The following GXYLT1 variants were observed in gnomAD, a reference collection of about 807,000 sequenced individuals.
The protein encoded by GXYLT1 is glucoside xylosyltransferase 1.
In GXYLT1, 29 loss-of-function variants were observed where a neutral mutation model predicts 54.0. The ratio of observed to expected loss-of-function variants is 0.54; its 90% CI spans 0.40 to 0.73. GXYLT1 has a LOEUF of 0.73. Among genes scored for constraint, GXYLT1 ranks in the 30% least tolerant of loss-of-function variants. The probability of loss-of-function intolerance (pLI) is 0.00; values close to 1 mark genes in which losing one functional copy is unlikely to be tolerated. For synonymous variants in GXYLT1, 176 were observed against 204.1 expected (o/e 0.86, Z 1.17); for missense variants, 490 against 553.4 (o/e 0.89, Z 1.15).
Position 42,109,617 on chromosome 12 carries a change from T to C in GXYLT1, c.561A>G (p.Ala187=). ...ATGGTTTAAAGAGTTTTTTCCACTC[T>C]GCTGCATTCTCACTTGGAAAGGTTA... ...YPITFPSENA[A]EWKKLFKPCA... is the part of the protein sequence containing the mutation. The change falls in exon 4 of 8, where the codon GCA becomes GCG. Residue 187 remains alanine (A), a synonymous_variant. Coordinates refer to ENST00000398675, the MANE Select transcript of GXYLT1 (RefSeq NM_173601.2). The C allele has an allele frequency of 2.5e-6, 4 of 1,600,690 alleles. No individual in the cohort carries two copies. Among genetic ancestry groups the C allele is most frequent in the Admixed American group, 1.7e-5 (1 of 58,250 alleles).
At chr12:42,096,269 G>A (rs2065355047) in intron 7 of GXYLT1, among the ~76,000 whole-genome samples, 1 of 152,112 alleles carries the variant, frequency 6.6e-6, no homozygotes, top group Non-Finnish European at 1.5e-5. Context: ...CTACTAAAGG[G>A]AACCAGAGCT....
intron 1 of GXYLT1, among the ~76,000 whole-genome samples, chr12:42,136,793 A>T (rs76292700): frequency 2.5e-5 from 1 of 40,608 alleles, no homozygotes; most frequent in African/African-American, 5.2e-5. Flanking sequence ...CATACAAACA[A>T]ACACACACAC....
intron 1 of GXYLT1, among the ~76,000 whole-genome samples, chr12:42,139,951 G>C (rs1250125987): frequency 1.3e-5 from 2 of 152,080 alleles, no homozygotes; most frequent in Non-Finnish European, 2.9e-5. Context: ...GGAAGCCGAG[G>C]TGGGCGGATC....
At position 42,087,698 on chromosome 12, in the gene GXYLT1, C is replaced by G. The variant is rs2065303764; in HGVS notation, c.*88G>C. On this transcript the variant is annotated 3_prime_UTR_variant, in exon 8 of 8. Transcript: ENST00000398675. ...AAATTATTCTGGAGATGAGTAATTCCTTCCTGAATACTTCATCCAAGACGA... is the reference window on the plus strand; with the variant it reads ...AAATTATTCTGGAGATGAGTAATTCGTTCCTGAATACTTCATCCAAGACGA... 1.1e-6 allele frequency: 1 copy of G among 938,346 alleles called. No homozygotes were observed. Among genetic ancestry groups the G allele is most frequent in the Non-Finnish European group, 1.5e-6 (1 of 645,240 alleles). The allele number at this position is 938,346 out of a possible 1,614,324, so 58.1% of individuals were successfully genotyped here. A position where few individuals can be genotyped will look rare whatever the true frequency, so the allele number is the denominator to read the frequency against.
At chr12:42,109,085 A>C (rs536604395) in intron 4 of GXYLT1, among the ~76,000 whole-genome samples, 4 of 152,358 alleles carry the variant, frequency 2.6e-5, no homozygotes, top group African/African-American at 9.6e-5. Flanking sequence ...CTTTGAGTTC[A>C]TATGCCTTAA....
At chr12:42,120,140 A>G (rs1299506633) in intron 2 of GXYLT1, among the ~76,000 whole-genome samples, 1 of 152,212 alleles carries the variant, frequency 6.6e-6, no homozygotes, top group Non-Finnish European at 1.5e-5. Context: ...TTATTAAAAA[A>G]AAACCCTTAA....
chr12:42,097,679 A>G (rs2065364104), intron 6 of GXYLT1, 65 bp from the exon 7 acceptor site: 3 of 1,397,850 alleles, frequency 2.1e-6, no homozygotes, highest in East Asian at 2.3e-5. Context: ...AACATTATGC[A>G]AAACTTTCAG....
At chr12:42,136,316 T>C (rs2065619174) in intron 1 of GXYLT1, among the ~76,000 whole-genome samples, 1 of 152,262 alleles carries the variant, frequency 6.6e-6, no homozygotes, top group Non-Finnish European at 1.5e-5. Context: ...ATCCAGGTTC[T>C]GGCTATTAGT....
chr12:42,142,796 A>T (rs1159699217), intron 1 of GXYLT1, among the ~76,000 whole-genome samples: 4 of 152,176 alleles, frequency 2.6e-5, no homozygotes, highest in Non-Finnish European at 4.4e-5. Context: ...TCCCCTGCCC[A>T]AATGGTTTCT....
intron 3 of GXYLT1, among the ~76,000 whole-genome samples, chr12:42,117,983 G>C (rs1474733726): frequency 1.3e-5 from 2 of 152,202 alleles, no homozygotes. Context: ...GTTGGAGTCT[G>C]AGTAGTCATC....
chr12:42,101,074 T>C (rs1392458280), intron 5 of GXYLT1, among the ~76,000 whole-genome samples: 1 of 151,998 alleles, frequency 6.6e-6, no homozygotes, highest in Non-Finnish European at 1.5e-5. Flanking sequence ...AAAAGTCCCA[T>C]TAGAAAACTA....
intron 6 of GXYLT1, 133 bp from the exon 7 acceptor site, chr12:42,097,747 T>G (rs1217888517): frequency 1.9e-6 from 2 of 1,037,954 alleles, no homozygotes; most frequent in East Asian, 5.0e-5. Flanking sequence ...CATTTAGATC[T>G]CTTCCAATTA....
chr12:42,136,566 C>T (rs1180670655), intron 1 of GXYLT1, among the ~76,000 whole-genome samples: 1 of 152,166 alleles, frequency 6.6e-6, no homozygotes, highest in Non-Finnish European at 1.5e-5. Flanking sequence ...GCATCTAGCT[C>T]TAGGTAGCTT....
chr12:42,096,487 A>G (rs2065356338), intron 7 of GXYLT1, among the ~76,000 whole-genome samples: 1 of 152,190 alleles, frequency 6.6e-6, no homozygotes, highest in Non-Finnish European at 1.5e-5. Flanking sequence ...AATGAATTAT[A>G]AATCATTGGA....
chr12:42,138,159 C>G (rs543182570), intron 1 of GXYLT1, among the ~76,000 whole-genome samples: 139 of 152,062 alleles, frequency 9.1e-4, no homozygotes, highest in African/African-American at 3.1e-3. Flanking sequence ...CCCAGCTACT[C>G]AGGAGACTGA....
chr12:42,105,342 C>G (rs193071464), intron 5 of GXYLT1, among the ~76,000 whole-genome samples: 2 of 152,178 alleles, frequency 1.3e-5, no homozygotes, highest in Non-Finnish European at 2.9e-5. Context: ...TATGTGTCAG[C>G]CACTGTTCTA....
At position 42,087,699 on chromosome 12, in the gene GXYLT1, T is replaced by C. The variant is rs1291593710; in HGVS notation, c.*87A>G. The C allele has an allele frequency of 7.7e-5, 74 of 961,724 alleles. No homozygotes were observed. The highest frequency in any genetic ancestry group is 2.4e-4 in the Admixed American group (7 of 29,640). The allele number at this position is 961,724 out of a possible 1,614,324, so 59.6% of individuals were successfully genotyped here. Reference sequence around the variant, plus strand: ...AATTATTCTGGAGATGAGTAATTCCTTCCTGAATACTTCATCCAAGACGAT... The same window carrying C: ...AATTATTCTGGAGATGAGTAATTCCCTCCTGAATACTTCATCCAAGACGAT... On this transcript the variant is annotated 3_prime_UTR_variant, in exon 8 of 8. Coordinates refer to ENST00000398675, the MANE Select transcript of GXYLT1 (RefSeq NM_173601.2).
chr12:42,106,175 ATTATT>A (rs1301498311), intron 4 of GXYLT1, 106 bp from the exon 5 acceptor site: 6 of 704,746 alleles, frequency 8.5e-6, no homozygotes, highest in Admixed American at 3.2e-5. Context: ...GCTAATTTAT[ATTATT>A]TTATTTTAAG....
intron 1 of GXYLT1, among the ~76,000 whole-genome samples, chr12:42,134,202 CAAAAGAAAAA>C (rs1293351249): frequency 6.7e-6 from 1 of 148,922 alleles, no homozygotes; most frequent in African/African-American, 2.5e-5. Flanking sequence ...CCCTCTCTGA[CAAAAGAAAAA>C]AAAAGAGAGA....
Sources: gnomAD v4.1 joint callset for allele counts (sites outside exome capture counted in the v4.1 genomes callset) on GRCh38, gnomAD v4.1.1 for gene constraint, MANE v1.5 for transcripts, NCBI Gene and HGNC (gene_info 2026-07-23, HGNC 2026-07-21) for gene names.